The following FGGY variants were observed in gnomAD, a reference collection of about 807,000 sequenced individuals.
The protein encoded by FGGY is FGGY carbohydrate kinase domain containing.
Under a neutral mutation model 71.3 loss-of-function variants are expected in FGGY, and 72 were observed. The ratio of observed to expected loss-of-function variants is 1.01; its 90% CI spans 0.84 to 1.23. The LOEUF (loss-of-function observed/expected upper bound fraction) is 1.23. Ranked by LOEUF, FGGY falls within the 50% of genes most tolerant of loss-of-function variation. FGGY has a pLI of 0.00. For missense variants in FGGY, 668 were observed against 682.3 expected (o/e 0.98, Z 0.23); for synonymous variants, 251 against 250.3 (o/e 1.00, Z -0.02).
rs574785806 is a variant in FGGY at position 59,568,144 on chromosome 1, T to C, written c.903+13917T>C. 2.1e-3 allele frequency among the ~76,000 whole-genome samples: 327 copies of C among 152,266 alleles called. 2 individuals are homozygous for C. The highest frequency in any genetic ancestry group is 3.1e-3 in the Non-Finnish European group (212 of 68,010). Reference sequence around the variant, plus strand: ...ACTAATATCTCTACAGTAAAACATATGAATATTCACACCAAACAGGTTAAG... The same window carrying C: ...ACTAATATCTCTACAGTAAAACATACGAATATTCACACCAAACAGGTTAAG... On this transcript the variant is annotated intron_variant, in intron 8 of 15. Coordinates refer to ENST00000303721, the MANE Select transcript of FGGY (RefSeq NM_018291.5).
intron 5 of FGGY, among the ~76,000 whole-genome samples, chr1:59,399,317 A>G (rs907420652): frequency 1.3e-5 from 2 of 152,162 alleles, no homozygotes; most frequent in Admixed American, 6.5e-5. Flanking sequence ...CACAGATGCT[A>G]TTTATTGAAT....
At chr1:59,726,086 C>T (rs759641442) in intron 14 of FGGY, among the ~76,000 whole-genome samples, 2 of 151,820 alleles carry the variant, frequency 1.3e-5, no homozygotes, top group Non-Finnish European at 2.9e-5. Context: ...AGGAAAATCC[C>T]CTATATTCAT....
At chr1:59,521,895 TC>T (rs2094844236) in intron 7 of FGGY, among the ~76,000 whole-genome samples, 1 of 152,220 alleles carries the variant, frequency 6.6e-6, no homozygotes, top group African/African-American at 2.4e-5. Flanking sequence ...AATTTAGTTT[TC>T]CTGAGCCACA....
chr1:59,637,084 C>G (rs553788326), intron 10 of FGGY, among the ~76,000 whole-genome samples: 1 of 152,256 alleles, frequency 6.6e-6, no homozygotes, highest in South Asian at 2.1e-4. Flanking sequence ...CAGCTTTCAT[C>G]TTTGTGTCAT....
chr1:59,682,652 C>T (rs2097512357), intron 14 of FGGY, among the ~76,000 whole-genome samples: 1 of 152,206 alleles, frequency 6.6e-6, no homozygotes, highest in African/African-American at 2.4e-5. Context: ...CTGCCTGCCT[C>T]ACCATTGGCT....
At chr1:59,319,652 G>T (rs1290352257) in intron 1 of FGGY, among the ~76,000 whole-genome samples, 1 of 152,198 alleles carries the variant, frequency 6.6e-6, no homozygotes, top group Non-Finnish European at 1.5e-5. Flanking sequence ...AAGGATTGGG[G>T]CAGCCTTTAG....
At chr1:59,610,718 G>A (rs1045529521) in intron 9 of FGGY, among the ~76,000 whole-genome samples, 4 of 152,188 alleles carry the variant, frequency 2.6e-5, no homozygotes, top group African/African-American at 7.2e-5. Flanking sequence ...GCGAGGCATC[G>A]CCTCACCCGG....
chr1:59,506,041 A>G (rs889092586), intron 6 of FGGY, among the ~76,000 whole-genome samples: 3 of 152,104 alleles, frequency 2.0e-5, no homozygotes, highest in Admixed American at 2.0e-4. Flanking sequence ...TACCCAGGTG[A>G]GGGTGTGTAC....
intron 15 of FGGY, among the ~76,000 whole-genome samples, 168 bp downstream of exon 15, chr1:59,758,160 G>A (rs969487516): frequency 3.9e-5 from 6 of 152,156 alleles, no homozygotes; most frequent in Non-Finnish European, 7.4e-5. Context: ...CTTACCTAAG[G>A]CTGCAGAACT....
intron 6 of FGGY, among the ~76,000 whole-genome samples, chr1:59,475,730 C>T (rs1272372159): frequency 2.6e-5 from 4 of 152,202 alleles, no homozygotes; most frequent in Non-Finnish European, 1.5e-5. Flanking sequence ...ATTCCTGCCC[C>T]TCTTCACTAT....
chr1:59,429,733 C>T (rs139497607), intron 5 of FGGY, among the ~76,000 whole-genome samples: 106 of 152,274 alleles, frequency 7.0e-4, no homozygotes, highest in African/African-American at 2.3e-3. Flanking sequence ...ACACACGTGA[C>T]GCACATATTT....
At chr1:59,322,731 G>A (rs910251119) in intron 2 of FGGY, among the ~76,000 whole-genome samples, 1 of 152,178 alleles carries the variant, frequency 6.6e-6, no homozygotes, top group African/African-American at 2.4e-5. Context: ...GGCTTGGGAA[G>A]GAAAGCAATG....
chr1:59,424,777 T>G (rs1224795704), intron 5 of FGGY, among the ~76,000 whole-genome samples: 2 of 152,186 alleles, frequency 1.3e-5, no homozygotes. Context: ...AAATGGATGG[T>G]AGGCACCATT....
At chr1:59,456,689 C>T (rs1004984740) in intron 5 of FGGY, among the ~76,000 whole-genome samples, 1 of 152,208 alleles carries the variant, frequency 6.6e-6, no homozygotes, top group Non-Finnish European at 1.5e-5. Context: ...CTTAAGTGAT[C>T]TGCCTGCCTT....
intron 1 of FGGY, among the ~76,000 whole-genome samples, chr1:59,314,694 A>C (rs2045078747): frequency 6.6e-6 from 1 of 152,166 alleles, no homozygotes; most frequent in African/African-American, 2.4e-5. Context: ...AATTGTCTTC[A>C]TTTCTCCCAA....
chr1:59,458,338 C>T (rs548773296), intron 6 of FGGY, among the ~76,000 whole-genome samples: 1 of 152,062 alleles, frequency 6.6e-6, no homozygotes, highest in Admixed American at 6.5e-5. Context: ...ATTTCCTGTC[C>T]TAGCACAAGG....
intron 7 of FGGY, among the ~76,000 whole-genome samples, chr1:59,535,630 A>G (rs1471338368): frequency 5.9e-5 from 9 of 151,440 alleles, no homozygotes; most frequent in Middle Eastern, 3.4e-3. Context: ...ATAACAAACT[A>G]TCTCTCAGAC....
intron 5 of FGGY, among the ~76,000 whole-genome samples, chr1:59,392,185 T>C (rs2060776780): frequency 6.6e-6 from 1 of 152,200 alleles, no homozygotes; most frequent in Non-Finnish European, 1.5e-5. Flanking sequence ...GCTAACTCTG[T>C]CAGTGGACTA....
chr1:59,389,455 C>T (rs1325745161), intron 5 of FGGY, among the ~76,000 whole-genome samples: 3 of 152,200 alleles, frequency 2.0e-5, no homozygotes, highest in Non-Finnish European at 4.4e-5. Context: ...CTACATTTTG[C>T]TTGTCCATTC....
Sources: gnomAD v4.1 joint callset for allele counts (sites outside exome capture counted in the v4.1 genomes callset) on GRCh38, gnomAD v4.1.1 for gene constraint, MANE v1.5 for transcripts, NCBI Gene and HGNC (gene_info 2026-07-23, HGNC 2026-07-21) for gene names.